ZNF431: variants seen among roughly 807,000 people sequenced by gnomAD.
ZNF431 encodes zinc finger protein 431.
A neutral mutation model predicts 57.0 loss-of-function variants in ZNF431; 34 were observed. The observed-to-expected ratio is 0.60, with a 90% confidence interval of 0.45 to 0.79. The LOEUF is 0.79. ZNF431 is among the 30% of genes least tolerant of loss of function. The pLI is 0.00. For missense variants in ZNF431, 607 were observed against 667.1 expected, an observed-to-expected ratio of 0.91 and a Z score of 0.99; for synonymous variants, 207 against 220.3, an observed-to-expected ratio of 0.94 and a Z score of 0.54.
chr19:21,162,543 C>T (rs935568205), intron 2 of ZNF431, among the ~76,000 whole-genome samples: 12 of 151,918 alleles, frequency 7.9e-5, no homozygotes, highest in Non-Finnish European at 1.5e-4. Context: ...TGACCTCAGG[C>T]GACTTACCCA....
At chr19:21,159,085 T>G (rs1265695088) in intron 2 of ZNF431, among the ~76,000 whole-genome samples, 1 of 152,228 alleles carries the variant, frequency 6.6e-6, no homozygotes, top group Non-Finnish European at 1.5e-5. Flanking sequence ...TTGTGGGTTT[T>G]GTCTTTAGTT....
At chr19:21,180,034 C>T (rs570112632) in intron 4 of ZNF431, among the ~76,000 whole-genome samples, 2 of 151,926 alleles carry the variant, frequency 1.3e-5, no homozygotes, top group African/African-American at 4.8e-5. Flanking sequence ...TACAGGCGCC[C>T]ACCACCACAC....
intron 2 of ZNF431, chr19:21,150,164 T>C (rs975523240): frequency 8.4e-6 from 5 of 597,128 alleles, no homozygotes; most frequent in Non-Finnish European, 1.6e-5. Flanking sequence ...CTTAAGCAGC[T>C]GAGTAGCTGT....
rs544765879 is a variant in ZNF431, at chr19:21,185,232, A to G, written c.*1198A>G. The G allele has an allele frequency of 6.6e-6, 1 of 152,340 alleles. No homozygotes were observed. Among genetic ancestry groups the G allele is most frequent in the Admixed American group, 6.5e-5 (1 of 15,294 alleles). 9.4% of individuals were successfully genotyped at this position (152,340 alleles called of 1,614,324 possible). On this transcript the variant is annotated 3_prime_UTR_variant, in exon 5 of 5. Transcript: ENST00000311048. ...AAATCTGAAACTAAAGTTGGTAGAA[A>G]AGTTATTTGTATAGAACTTTAAGAG...
At chr19:21,180,984 T>A (rs1381727339) in intron 4 of ZNF431, among the ~76,000 whole-genome samples, 1 of 151,914 alleles carries the variant, frequency 6.6e-6, no homozygotes, top group East Asian at 1.9e-4. Context: ...ATCCAAAAAT[T>A]TTTTCTCATT....
chr19:21,150,446 C>A (rs956586023), intron 2 of ZNF431: 4 of 241,428 alleles, frequency 1.7e-5, no homozygotes, highest in South Asian at 1.1e-4. Context: ...CATCTTGGGT[C>A]GGGGGAGGAG....
At chr19:21,179,561 C>CT (rs537364359) in intron 4 of ZNF431, among the ~76,000 whole-genome samples, 2,534 of 137,050 alleles carry the variant, frequency 0.018, 27 homozygotes, top group South Asian at 0.036. Context: ...GTTACATTGT[C>CT]TTTTTTTTTT....
At position 21,190,540 on chromosome 19, in the gene ZNF431, T is replaced by TA. The variant is rs1412649701; in HGVS notation, c.*6507dup. The TA allele has an allele frequency of 2.0e-5, 3 of 152,156 alleles. No homozygotes were observed. The highest frequency in any genetic ancestry group is 4.8e-5 in the African/African-American group (2 of 41,436). 9.4% of individuals were successfully genotyped at this position (152,156 alleles called of 1,614,324 possible). A position where few individuals can be genotyped will look rare whatever the true frequency, so the allele number is the denominator to read the frequency against. On this transcript the variant is annotated 3_prime_UTR_variant, in exon 5 of 5. Coordinates refer to ENST00000311048, the MANE Select transcript of ZNF431 (RefSeq NM_133473.4). Reference sequence around the variant, plus strand: ...AGTTATTCTAACAGGAATGAGTTGATATAGGGATTTTTTTTTTGGCTTGTC... The same window carrying TA: ...AGTTATTCTAACAGGAATGAGTTGATAATAGGGATTTTTTTTTTGGCTTGTC...
intron 4 of ZNF431, chr19:21,170,024 G>C (rs1435174998): frequency 7.6e-6 from 3 of 394,716 alleles, no homozygotes; most frequent in Non-Finnish European, 8.9e-6. Flanking sequence ...GACCAAGTTG[G>C]GTGGACCATT....
At chr19:21,152,840 GGTTACCAGAAAGAT>G (rs1170637125) in intron 2 of ZNF431, among the ~76,000 whole-genome samples, 2 of 152,080 alleles carry the variant, frequency 1.3e-5, no homozygotes, top group African/African-American at 4.8e-5. Flanking sequence ...GTCCCTTTGT[GGTTACCAGAAAGAT>G]GTTACCGGAA....
At chr19:21,165,092 CAAA>C (rs58552017) in intron 2 of ZNF431, among the ~76,000 whole-genome samples, 62 of 132,824 alleles carry the variant, frequency 4.7e-4, no homozygotes, top group Non-Finnish European at 4.8e-4. Context: ...CTGGGCAACT[CAAA>C]AAAAAAAAAA....
At chr19:21,149,532 AAGAC>A (rs544279906) in intron 2 of ZNF431, 59 of 199,446 alleles carry the variant, frequency 3.0e-4, no homozygotes, top group Middle Eastern at 2.0e-3. Flanking sequence ...TGTAAATACA[AAGAC>A]AGAAGATTCA....
chr19:21,195,106 A>G lies in ZNF431; in HGVS notation c.*11072A>G, dbSNP rs1971581225. 6.6e-6 allele frequency: 1 copy of G among 151,360 alleles called. No homozygotes were observed. Among genetic ancestry groups the G allele is most frequent in the South Asian group, 2.1e-4 (1 of 4,818 alleles). 9.4% of individuals were successfully genotyped at this position (151,360 alleles called of 1,614,324 possible). ...GACAAAAAGCGTGTAAACAACAGTG[A>G]TTGCTCCTGTGGCCCTGTGATTCAG... On this transcript the variant is annotated 3_prime_UTR_variant, in exon 5 of 5. Coordinates refer to ENST00000311048, the MANE Select transcript of ZNF431 (RefSeq NM_133473.4).
intron 2 of ZNF431, among the ~76,000 whole-genome samples, chr19:21,152,916 A>T (rs761532919): frequency 2.7e-4 from 41 of 152,214 alleles, no homozygotes; most frequent in Admixed American, 1.1e-3. Flanking sequence ...CGCTCAAGAA[A>T]GAATTGAGGG....
At chr19:21,171,196 ACTGCATATT>A (rs917366829) in intron 4 of ZNF431, among the ~76,000 whole-genome samples, 2 of 152,200 alleles carry the variant, frequency 1.3e-5, no homozygotes, top group African/African-American at 4.8e-5. Flanking sequence ...TTCTAATTAT[ACTGCATATT>A]CTGTGAAATT....
At chr19:21,170,231 G>A (rs944077423) in intron 4 of ZNF431, among the ~76,000 whole-genome samples, 2 of 152,114 alleles carry the variant, frequency 1.3e-5, no homozygotes, top group South Asian at 4.1e-4. Context: ...CAGGCCTGCA[G>A]CAATTCTCCA....
rs1466358819 is a variant in ZNF431 at position 21,192,358 on chromosome 19, G to A, written c.*8324G>A. 2 of 152,064 alleles carry A rather than the reference G, an allele frequency of 1.3e-5. No homozygotes were observed. Among genetic ancestry groups the A allele is most frequent in the Middle Eastern group, 3.4e-3 (1 of 294 alleles). 9.4% of individuals were successfully genotyped at this position (152,064 alleles called of 1,614,324 possible). On this transcript the variant is annotated 3_prime_UTR_variant, in exon 5 of 5. Transcript: ENST00000311048. ...TAATTTTTTTATTTCTATAGAGATGGGGTTTCCCTACGTTGGCCAGACTGG... is the reference window on the plus strand; with the variant it reads ...TAATTTTTTTATTTCTATAGAGATGAGGTTTCCCTACGTTGGCCAGACTGG...
rs148010585 is a variant in ZNF431 at position 21,157,758 on chromosome 19, G to A, written c.97-8577G>A. Among the ~76,000 whole-genome samples, 431 of 151,872 alleles carry A rather than the reference G, an allele frequency of 2.8e-3. 2 individuals carry two copies. The highest frequency in any genetic ancestry group is 9.1e-3 in the African/African-American group (377 of 41,438). ...ACCATGTTGGCCAGGTTTCAAACCC[G>A]ACCCCATGATCCGCCCGCCTCGGCC... On this transcript the variant is annotated intron_variant, in intron 2 of 4. Transcript: ENST00000311048.
chr19:21,166,530 T>C lies in ZNF431; in HGVS notation c.223+69T>C, dbSNP rs192597323. 5.3e-6 allele frequency: 8 copies of C among 1,519,640 alleles called. No homozygotes were observed. In the African/African-American group the frequency reaches 1.1e-4, roughly 21 times the overall value. The allele number at this position is 1,519,640 out of a possible 1,614,324, so 94.1% of individuals were successfully genotyped here. A position where few individuals can be genotyped will look rare whatever the true frequency, so the allele number is the denominator to read the frequency against. ...TTTCATGTCTCTTTTTTTGTAGAAT[T>C]TTTTTGATAATTTATGCTTTGTATA... On this transcript the variant is annotated intron_variant, in intron 3 of 4. Coordinates refer to ENST00000311048, the MANE Select transcript of ZNF431 (RefSeq NM_133473.4).
Sources: allele counts gnomAD v4.1 joint callset (sites outside exome capture counted in the v4.1 genomes callset), GRCh38; gene constraint gnomAD v4.1.1; transcripts MANE v1.5; gene names NCBI Gene and HGNC (gene_info 2026-07-23, HGNC 2026-07-21).